The following CRTC3 variants were observed in gnomAD, a reference collection of about 807,000 sequenced individuals.
The protein encoded by CRTC3 is CREB-regulated transcription coactivator 3.
Under a neutral mutation model 74.5 loss-of-function variants are expected in CRTC3, and 26 were observed. The ratio of observed to expected loss-of-function variants is 0.35; its 90% CI spans 0.26 to 0.48. The LOEUF is 0.48. Ranked by LOEUF, CRTC3 falls within the 20% of genes least tolerant of loss-of-function variation. The probability of loss-of-function intolerance (pLI) is 0.99; values close to 1 mark genes in which losing one functional copy is unlikely to be tolerated. For synonymous variants in CRTC3, 377 were observed against 325.8 expected (o/e 1.16, Z -1.69); for missense variants, 760 against 787.3 (o/e 0.97, Z 0.41).
At chr15:90,589,707 C>T (rs1967754924) in intron 2 of CRTC3, among the ~76,000 whole-genome samples, 1 of 152,202 alleles carries the variant, frequency 6.6e-6, no homozygotes, top group African/African-American at 2.4e-5. Context: ...AAAATACTGG[C>T]CGGGTGCAGT....
intron 4 of CRTC3, among the ~76,000 whole-genome samples, chr15:90,603,179 CAT>C (rs1316140691): frequency 6.6e-5 from 10 of 152,050 alleles, no homozygotes; most frequent in African/African-American, 2.2e-4. Context: ...CACGGTGGCT[CAT>C]GCCTGTAATC....
chr15:90,601,193 C>T (rs751619370), intron 3 of CRTC3, among the ~76,000 whole-genome samples: 18 of 152,126 alleles, frequency 1.2e-4, no homozygotes, highest in East Asian at 3.8e-4. Flanking sequence ...CCCCTCTGCT[C>T]GGTGTGTAGT....
At chr15:90,573,432 T>C (rs1375100453) in intron 2 of CRTC3, among the ~76,000 whole-genome samples, 1 of 152,246 alleles carries the variant, frequency 6.6e-6, no homozygotes, top group Admixed American at 6.5e-5. Context: ...CTAGTATGTT[T>C]AGAGTGGCCT....
At position 90,645,337 on chromosome 15, in the gene CRTC3, GTC is replaced by G. The variant is rs1333688503; in HGVS notation, c.*3201_*3202del. 5.0e-6 allele frequency: 1 copy of G among 199,780 alleles called. No individual in the cohort carries two copies. Among genetic ancestry groups the G allele is most frequent in the African/African-American group, 2.3e-5 (1 of 43,402 alleles). The allele number at this position is 199,780 out of a possible 1,614,324, so 12.4% of individuals were successfully genotyped here. A position where few individuals can be genotyped will look rare whatever the true frequency, so the allele number is the denominator to read the frequency against. On this transcript the variant is annotated 3_prime_UTR_variant, in exon 15 of 15. Transcript: ENST00000268184. Reference sequence around the variant, plus strand: ...TAATTAAAAGCATCACAATGAGGTTGTCTCTGCATTTGGTGGTGTTTTTCTTC... The same window carrying G: ...TAATTAAAAGCATCACAATGAGGTTGTCTGCATTTGGTGGTGTTTTTCTTC...
At chr15:90,566,409 G>A (rs1731224621) in intron 2 of CRTC3, among the ~76,000 whole-genome samples, 1 of 151,958 alleles carries the variant, frequency 6.6e-6, no homozygotes, top group Non-Finnish European at 1.5e-5. Context: ...AATTAGCCGG[G>A]CATGGTGGCG....
At chr15:90,628,380 T>C (rs1011587110) in intron 10 of CRTC3, among the ~76,000 whole-genome samples, 1 of 152,124 alleles carries the variant, frequency 6.6e-6, no homozygotes, top group African/African-American at 2.4e-5. Flanking sequence ...AAAGATGGGC[T>C]GAAGGTTAAA....
At chr15:90,629,100 A>G (rs369065775) in intron 10 of CRTC3, 134 bp from the exon 11 acceptor site, 2 of 775,636 alleles carry the variant, frequency 2.6e-6, no homozygotes, top group East Asian at 2.7e-5. Context: ...CAGTCCCTGT[A>G]GGAGAGCTGT....
At chr15:90,550,166 C>T (rs948500941) in intron 2 of CRTC3, among the ~76,000 whole-genome samples, 4 of 151,720 alleles carry the variant, frequency 2.6e-5, no homozygotes, top group East Asian at 3.9e-4. Context: ...TGGTGGCTCA[C>T]GCCTGTAATC....
chr15:90,641,257 C>A, intron 14 of CRTC3, 58 bp downstream of exon 14: 1 of 1,149,950 alleles, frequency 8.7e-7, no homozygotes, highest in Non-Finnish European at 1.3e-6. Context: ...TGTTCAGGAA[C>A]CTTCATAAGA....
At chr15:90,591,968 GA>G (rs1190684635) in intron 2 of CRTC3, among the ~76,000 whole-genome samples, 3 of 152,146 alleles carry the variant, frequency 2.0e-5, no homozygotes, top group African/African-American at 7.2e-5. Context: ...TTCCAGCCCA[GA>G]AGTTTTTCCT....
At chr15:90,539,552 A>G (rs1244725905) in intron 1 of CRTC3, 1 of 162,760 alleles carries the variant, frequency 6.1e-6, no homozygotes, top group Non-Finnish European at 1.3e-5. Context: ...TTATATACCC[A>G]CTAAAAATTA....
Position 90,563,271 on chromosome 15 carries a change from T to A in CRTC3, c.231+23134T>A, listed in dbSNP as rs201107903. 2.0e-5 allele frequency among the ~76,000 whole-genome samples: 3 copies of A among 151,888 alleles called. No individual in the cohort carries two copies. The East Asian group carries it at 5.8e-4, about 29-fold the overall frequency. ...AAATACAAAAATTAGCCAGATGGAG[T>A]GGTCAATGCCGGTAATCCCAGCTAC... On this transcript the variant is annotated intron_variant, in intron 2 of 14. Transcript: ENST00000268184.
At chr15:90,534,594 A>G (rs1244327129) in intron 1 of CRTC3, among the ~76,000 whole-genome samples, 3 of 133,132 alleles carry the variant, frequency 2.3e-5, no homozygotes, top group Admixed American at 7.5e-5. Flanking sequence ...ATTAGGGCTA[A>G]CAATGAATAT....
chr15:90,533,406 G>A (rs1380971575), intron 1 of CRTC3, among the ~76,000 whole-genome samples: 1 of 131,806 alleles, frequency 7.6e-6, no homozygotes, highest in Admixed American at 7.9e-5. Context: ...GGGCGACAGA[G>A]CGAGACTCCG....
At chr15:90,614,700 G>C (rs572796429) in intron 7 of CRTC3, 9 of 475,328 alleles carry the variant, frequency 1.9e-5, no homozygotes, top group African/African-American at 1.8e-4. Flanking sequence ...CATTACAAAG[G>C]TTCCTTTTTA....
chr15:90,541,081 C>G (rs1045144435), intron 2 of CRTC3, among the ~76,000 whole-genome samples: 3 of 152,138 alleles, frequency 2.0e-5, no homozygotes, highest in African/African-American at 7.2e-5. Flanking sequence ...CAGTGGAAAG[C>G]CTTGTTCAAA....
chr15:90,546,055 A>C (rs1246944397), intron 2 of CRTC3, among the ~76,000 whole-genome samples: 3 of 152,116 alleles, frequency 2.0e-5, no homozygotes, highest in Admixed American at 6.5e-5. Context: ...TTTGAAGTCT[A>C]GTTTATCAAT....
intron 1 of CRTC3, among the ~76,000 whole-genome samples, chr15:90,536,206 AC>A (rs566620276): frequency 2.3e-4 from 35 of 152,218 alleles, no homozygotes; most frequent in African/African-American, 7.5e-4. Context: ...AAGGCTTAAA[AC>A]CTGGTAATTT....
intron 2 of CRTC3, among the ~76,000 whole-genome samples, chr15:90,549,306 ATG>A (rs1261568491): frequency 3.5e-5 from 5 of 142,158 alleles, no homozygotes; most frequent in African/African-American, 7.9e-5. Flanking sequence ...GTGTGTGTGT[ATG>A]TGTGTGTGTG....
Sources: allele counts gnomAD v4.1 joint callset (sites outside exome capture counted in the v4.1 genomes callset), GRCh38; gene constraint gnomAD v4.1.1; transcripts MANE v1.5; gene names NCBI Gene and HGNC (gene_info 2026-07-23, HGNC 2026-07-21).